Variants in CCDC88C observed in about 807,000 individuals in gnomAD.
CCDC88C encodes the protein coiled-coil and HOOK domain protein 88C.
CCDC88C carries 131 observed loss-of-function variants against 198.8 expected under a neutral mutation model. The observed-to-expected ratio is 0.66, with a 90% confidence interval of 0.57 to 0.76. CCDC88C has a LOEUF of 0.76. Ranked by LOEUF, CCDC88C falls within the 30% of genes least tolerant of loss-of-function variation. The pLI is 0.00. For missense variants in CCDC88C, 2,553 were observed against 2,631.6 expected (o/e 0.97, Z 0.65); for synonymous variants, 1,166 against 1,114.7 (o/e 1.05, Z -0.92).
intron 23 of CCDC88C, among the ~76,000 whole-genome samples, chr14:91,293,567 G>GCTGACCTTCCTGCCCCCTCGCCTGCCACA (rs1567055921): frequency 6.2e-5 from 1 of 16,124 alleles, no homozygotes; most frequent in Non-Finnish European, 1.2e-4. Flanking sequence ...CGCCTGCCAC[G>GCTGACCTTCCTGCCCCCTCGCCTGCCACA]GCCCACCTTC....
intron 22 of CCDC88C, among the ~76,000 whole-genome samples, chr14:91,296,475 G>A (rs563035655): frequency 2.0e-5 from 3 of 152,316 alleles, no homozygotes; most frequent in Non-Finnish European, 2.9e-5. Flanking sequence ...CCCTGGGGGC[G>A]AGGATTCCAC....
intron 2 of CCDC88C, among the ~76,000 whole-genome samples, chr14:91,410,454 A>C (rs1886738646): frequency 6.6e-6 from 1 of 152,172 alleles, no homozygotes; most frequent in East Asian, 1.9e-4. Flanking sequence ...GGAAAAAAAA[A>C]CCCTACAAAT....
chr14:91,338,191 C>T lies in CCDC88C; in HGVS notation c.892-28G>A, dbSNP rs1893140996. 3 of 1,611,160 alleles carry T rather than the reference C, an allele frequency of 1.9e-6. No homozygotes were observed. Among genetic ancestry groups the T allele is most frequent in the East Asian group, 4.5e-5 (2 of 44,842 alleles). ...GCAAGGTGGACAAAGGCAGGAGAAC[C>T]TAGCTTAGGGCATCCTCTAGGAAGG... On this transcript the variant is annotated intron_variant, in intron 9 of 29. Transcript: ENST00000389857. The surrounding 1 kb of genome is among the most constrained non-coding windows in gnomAD (Gnocchi z 4.8).
chr14:91,365,917 A>T (rs558354840), intron 3 of CCDC88C, among the ~76,000 whole-genome samples: 2 of 152,352 alleles, frequency 1.3e-5, no homozygotes, highest in East Asian at 3.9e-4. Flanking sequence ...AGGTGTAAAA[A>T]GATACATAAT....
chr14:91,377,010 A>T (rs1298670351), intron 3 of CCDC88C, among the ~76,000 whole-genome samples: 2 of 139,016 alleles, frequency 1.4e-5, no homozygotes, highest in African/African-American at 5.3e-5. Flanking sequence ...TCCCTAACCA[A>T]CTGCCACAAA....
In CCDC88C at chr14:91,371,522, A is replaced by C. The variant is rs1396234708; in HGVS notation, c.271-11811T>G. Reference sequence around the variant, plus strand: ...GGTGGCAGGAGTACAGCACAGACCAAGACCACAGTCTTGGTCCCGAGGAGC... The same window carrying C: ...GGTGGCAGGAGTACAGCACAGACCACGACCACAGTCTTGGTCCCGAGGAGC... On this transcript the variant is annotated intron_variant, in intron 3 of 29. Coordinates refer to ENST00000389857, the MANE Select transcript of CCDC88C (RefSeq NM_001080414.4). The surrounding 1 kb of genome is among the most constrained non-coding windows in gnomAD (Gnocchi z 4.2). 3.0e-4 allele frequency among the ~76,000 whole-genome samples: 46 copies of C among 152,082 alleles called. No individual in the cohort carries two copies. The highest frequency in any genetic ancestry group is 2.9e-3 in the Admixed American group (45 of 15,282).
chr14:91,386,323 T>C lies in CCDC88C; in HGVS notation c.270+22336A>G, dbSNP rs557905610. Among the ~76,000 whole-genome samples, 5 of 144,790 alleles carry C rather than the reference T, an allele frequency of 3.5e-5. No homozygotes were observed. In the South Asian group the frequency reaches 1.1e-3, roughly 32 times the overall value. 95.0% of individuals were successfully genotyped at this position (144,790 alleles called of 152,430 possible). A position where few individuals can be genotyped will look rare whatever the true frequency, so the allele number is the denominator to read the frequency against. On this transcript the variant is annotated intron_variant, in intron 3 of 29. Coordinates refer to ENST00000389857, the MANE Select transcript of CCDC88C (RefSeq NM_001080414.4). Reference sequence around the variant, plus strand: ...AAAAAAACAAAAACCTAGCTGGGCATGGTGGTGGGTGCCTGTAATCCCAGC... The same window carrying C: ...AAAAAAACAAAAACCTAGCTGGGCACGGTGGTGGGTGCCTGTAATCCCAGC...
intron 10 of CCDC88C, among the ~76,000 whole-genome samples, chr14:91,337,283 G>T (rs1309889457): frequency 6.6e-6 from 1 of 152,176 alleles, no homozygotes; most frequent in Non-Finnish European, 1.5e-5. Flanking sequence ...ATGGCTATGG[G>T]GCTTGCCCAA....
intron 20 of CCDC88C, among the ~76,000 whole-genome samples, chr14:91,302,719 T>C (rs1458811714): frequency 1.3e-5 from 2 of 151,432 alleles, no homozygotes; most frequent in Non-Finnish European, 2.9e-5. Context: ...TACACAAGAG[T>C]TTCACTATAT....
intron 29 of CCDC88C, among the ~76,000 whole-genome samples, chr14:91,276,826 C>A (rs1486614128): frequency 6.6e-6 from 1 of 152,204 alleles, no homozygotes; most frequent in Non-Finnish European, 1.5e-5. Flanking sequence ...TGTGCAGCTT[C>A]AAAAAAGCTA....
chr14:91,281,569 C>T (rs1462436200), intron 26 of CCDC88C, 44 bp from the exon 27 acceptor site: 9 of 1,581,302 alleles, frequency 5.7e-6, no homozygotes, highest in Non-Finnish European at 7.8e-6. Context: ...ACGGAACATG[C>T]CTCATCCACA....
intron 20 of CCDC88C, among the ~76,000 whole-genome samples, chr14:91,302,783 T>C (rs900012390): frequency 6.6e-6 from 1 of 151,824 alleles, no homozygotes; most frequent in African/African-American, 2.4e-5. Context: ...AGGTTAAAAA[T>C]GAAAAAAAGC....
chr14:91,289,460 A>G, intron 24 of CCDC88C, 117 bp from the exon 25 acceptor site: 1 of 873,596 alleles, frequency 1.1e-6, no homozygotes, highest in Non-Finnish European at 1.9e-6. Flanking sequence ...TAGGCCACTC[A>G]CGTGGGGTTC....
intron 3 of CCDC88C, among the ~76,000 whole-genome samples, chr14:91,376,379 G>A (rs754904183): frequency 2.6e-5 from 4 of 152,138 alleles, no homozygotes; most frequent in Non-Finnish European, 4.4e-5. Context: ...CCCAACAAGC[G>A]TTTAGTGAGC....
In CCDC88C at chr14:91,273,354, C is replaced by T. The variant is rs763587715; in HGVS notation, c.5358G>A (p.Pro1786=). 4.4e-5 allele frequency: 67 copies of T among 1,533,118 alleles called. No individual in the cohort carries two copies. The highest frequency in any genetic ancestry group is 2.6e-4 in the African/African-American group (19 of 72,962). The allele number at this position is 1,533,118 out of a possible 1,614,324, so 95.0% of individuals were successfully genotyped here. ...CAGGTGCATGGGAAGCTGGGGGCAC[C>T]GGAGCCTGCCGGGGTCTGCCCAGAG... The part of the protein sequence containing the change: ...SLSLGRPRQA[P]VPPASHAPAS... The change falls in exon 30 of 30, where the codon CCG becomes CCA. Residue 1786 remains proline (P), a synonymous_variant. Transcript: ENST00000389857. The surrounding 1 kb of genome is among the most constrained non-coding windows in gnomAD (Gnocchi z 5.6).
intron 6 of CCDC88C, among the ~76,000 whole-genome samples, chr14:91,341,862 TGGGGGGC>T (rs1893326219): frequency 2.0e-5 from 3 of 152,080 alleles, no homozygotes; most frequent in Admixed American, 2.0e-4. Context: ...GGCCCCTCGC[TGGGGGGC>T]CTGAGTTGGG....
At chr14:91,305,732 C>T in intron 19 of CCDC88C, 33 bp downstream of exon 19, 1 of 1,582,506 alleles carries the variant, frequency 6.3e-7, no homozygotes. Flanking sequence ...TCCCGCCAGG[C>T]TTGTGACCAC....
At chr14:91,386,323 T>G (rs557905610) in intron 3 of CCDC88C, among the ~76,000 whole-genome samples, 1 of 144,790 alleles carries the variant, frequency 6.9e-6, no homozygotes, top group East Asian at 2.0e-4. Context: ...TAGCTGGGCA[T>G]GGTGGTGGGT....
intron 3 of CCDC88C, 59 bp downstream of exon 3, chr14:91,408,600 T>C (rs1164730803): frequency 1.8e-6 from 2 of 1,093,108 alleles, no homozygotes; most frequent in African/African-American, 3.1e-5. Context: ...GGGAAAACCG[T>C]GACAGTGACG....
Sources: gnomAD v4.1 joint callset for allele counts (sites outside exome capture counted in the v4.1 genomes callset) on GRCh38, gnomAD v4.1.1 for gene constraint, Gnocchi (gnomAD v3.1) non-coding constraint, MANE v1.5 for transcripts, NCBI Gene and HGNC (gene_info 2026-07-23, HGNC 2026-07-21) for gene names.